The following RGPD2 variants were observed in gnomAD, a reference collection of about 807,000 sequenced individuals.
RGPD2 encodes RANBP2-like and GRIP domain-containing protein 2.
In RGPD2, 2 loss-of-function variants were observed where a neutral mutation model predicts 36.0. That is an observed-to-expected ratio of 0.06 (90% CI 0.02 to 0.17). The LOEUF is 0.17. Among genes scored for constraint, RGPD2 ranks in the 10% least tolerant of loss-of-function variants. The probability of loss-of-function intolerance (pLI) is 1.00; values close to 1 mark genes in which losing one functional copy is unlikely to be tolerated. For synonymous variants in RGPD2, 19 were observed against 163.8 expected, an observed-to-expected ratio of 0.12 and a Z score of 6.75; for missense variants, 40 against 464.3, an observed-to-expected ratio of 0.09 and a Z score of 8.40.
chr2:87,812,849 T>G (rs1368059266), intron 4 of RGPD2, among the ~76,000 whole-genome samples: 1 of 150,794 alleles, frequency 6.6e-6, no homozygotes, highest in Non-Finnish European at 1.5e-5. Context: ...TAACGTTCTG[T>G]AGAGATGGGG....
chr2:87,823,700 A>ATG (rs893799132), intron 1 of RGPD2, among the ~76,000 whole-genome samples: 2 of 143,296 alleles, frequency 1.4e-5, no homozygotes, highest in Non-Finnish European at 3.0e-5. Context: ...ACAAAAGTAT[A>ATG]TGTGTGTGTT....
At chr2:87,936,277 C>T in the RGPD2 span, among the ~76,000 whole-genome samples, 1 of 151,696 alleles carries the variant, frequency 6.6e-6, no homozygotes, top group Non-Finnish European at 1.5e-5. Flanking sequence ...GGAATAGGGA[C>T]TACAGAGCGC....
the RGPD2 span, among the ~76,000 whole-genome samples, chr2:87,913,997 G>A: frequency 6.6e-6 from 1 of 152,046 alleles, no homozygotes; most frequent in Non-Finnish European, 1.5e-5. Context: ...ATTGCTTAAA[G>A]AAGAAGAGCA....
the RGPD2 span, among the ~76,000 whole-genome samples, chr2:87,974,540 CA>C: frequency 6.6e-6 from 1 of 152,172 alleles, no homozygotes; most frequent in African/African-American, 2.4e-5. Context: ...TGCTCTTCTC[CA>C]TACCTCTTGA....
the RGPD2 span, among the ~76,000 whole-genome samples, chr2:87,975,991 T>C: frequency 1.3e-5 from 2 of 151,628 alleles, no homozygotes; most frequent in Non-Finnish European, 2.9e-5. Context: ...AATTTTATAA[T>C]GAATGAAATA....
chr2:87,947,454 C>T, the RGPD2 span, among the ~76,000 whole-genome samples: 1 of 152,294 alleles, frequency 6.6e-6, no homozygotes, highest in Non-Finnish European at 1.5e-5. Flanking sequence ...ATCAGGGCTT[C>T]CTTCGGTCCT....
chr2:87,824,757 C>G lies in RGPD2; in HGVS notation c.72+901G>C, dbSNP rs1307439574. ...GCCAGGCCGAGGCCGCCGCCGCCGC[C>G]GCCGCCGCCGCCCGGCCAGGCCGAG... On this transcript the variant is annotated intron_variant, in intron 1 of 22. Transcript: ENST00000398146. Among the ~76,000 whole-genome samples, 270 of 122,852 alleles carry G rather than the reference C, an allele frequency of 2.2e-3. 2 individuals are homozygous for G. The highest frequency in any genetic ancestry group is 4.1e-3 in the Non-Finnish European group (235 of 57,152). 80.6% of individuals were successfully genotyped at this position (122,852 alleles called of 152,430 possible).
the RGPD2 span, among the ~76,000 whole-genome samples, chr2:87,866,438 T>G: frequency 6.6e-6 from 1 of 152,204 alleles, no homozygotes; most frequent in Non-Finnish European, 1.5e-5. Flanking sequence ...TTTCCAGCTA[T>G]TAAATTGCTA....
chr2:87,955,399 T>C, the RGPD2 span, among the ~76,000 whole-genome samples: 1 of 38,666 alleles, frequency 2.6e-5, no homozygotes, highest in African/African-American at 1.1e-4. Context: ...TCTCAAAGTT[T>C]GAAGCATTTC....
At chr2:87,805,814 C>A (rs549627274) in intron 7 of RGPD2, among the ~76,000 whole-genome samples, 1 of 151,442 alleles carries the variant, frequency 6.6e-6, no homozygotes. Context: ...GAGCCGAGAT[C>A]GTGCCACTGC....
At chr2:87,934,598 T>C in the RGPD2 span, among the ~76,000 whole-genome samples, 1 of 151,514 alleles carries the variant, frequency 6.6e-6, no homozygotes, top group Admixed American at 6.6e-5. Flanking sequence ...AGATCATTTG[T>C]TTGCATATGT....
the RGPD2 span, among the ~76,000 whole-genome samples, chr2:87,916,685 A>C: frequency 6.6e-6 from 1 of 151,432 alleles, no homozygotes; most frequent in African/African-American, 2.4e-5. Context: ...GAAGTGGCTC[A>C]CTCCCTTTAT....
chr2:87,921,840 G>C, the RGPD2 span, among the ~76,000 whole-genome samples: 1 of 152,118 alleles, frequency 6.6e-6, no homozygotes, highest in Non-Finnish European at 1.5e-5. Flanking sequence ...ACTGCCCACA[G>C]TCAGAGGAAG....
the RGPD2 span, among the ~76,000 whole-genome samples, chr2:87,969,657 C>CA: frequency 0.12 from 4,978 of 40,320 alleles, 374 homozygotes; most frequent in East Asian, 0.19. Context: ...GATGCCGTCT[C>CA]AAAAAAAAAA....
At position 87,756,218 on chromosome 2, in the gene RGPD2, G is replaced by T. The variant is rs1295268567; in HGVS notation, c.*1174C>A. On this transcript the variant is annotated 3_prime_UTR_variant, in exon 23 of 23. Coordinates refer to ENST00000398146, the MANE Select transcript of RGPD2 (RefSeq NM_001078170.3). ...TTTTAAACACAGGAGAGGGCCCATTGTCTAACTGGTGAGTTGGTTGAGTGG... is the reference window on the plus strand; with the variant it reads ...TTTTAAACACAGGAGAGGGCCCATTTTCTAACTGGTGAGTTGGTTGAGTGG... 1.7e-5 allele frequency: 1 copy of T among 60,294 alleles called. No individual in the cohort carries two copies. Among genetic ancestry groups the T allele is most frequent in the Non-Finnish European group, 3.5e-5 (1 of 28,212 alleles). 3.7% of individuals were successfully genotyped at this position (60,294 alleles called of 1,614,324 possible). A position where few individuals can be genotyped will look rare whatever the true frequency, so the allele number is the denominator to read the frequency against.
chr2:87,881,187 C>T, the RGPD2 span, among the ~76,000 whole-genome samples: 1 of 151,220 alleles, frequency 6.6e-6, no homozygotes. Flanking sequence ...TTTCAGTCCC[C>T]ATGCCTGCTC....
chr2:87,934,368 C>T, the RGPD2 span, among the ~76,000 whole-genome samples: 3 of 145,526 alleles, frequency 2.1e-5, no homozygotes, highest in East Asian at 6.0e-4. Context: ...GTCATATATA[C>T]ACCATGTCTG....
chr2:87,857,665 G>A, the RGPD2 span, among the ~76,000 whole-genome samples: 18 of 151,664 alleles, frequency 1.2e-4, no homozygotes, highest in South Asian at 2.1e-4. Context: ...GAGGCTAGGC[G>A]CGGTGTCTCA....
intron 22 of RGPD2, among the ~76,000 whole-genome samples, chr2:87,762,034 CAG>C: frequency 6.6e-6 from 1 of 151,634 alleles, no homozygotes; most frequent in Non-Finnish European, 1.5e-5. Flanking sequence ...GGCTTTCATG[CAG>C]AGTTTACAAA....
Sources: gnomAD v4.1 joint callset for allele counts (sites outside exome capture counted in the v4.1 genomes callset) on GRCh38, gnomAD v4.1.1 for gene constraint, MANE v1.5 for transcripts, NCBI Gene and HGNC (gene_info 2026-07-23, HGNC 2026-07-21) for gene names.